Variants in DPP10 observed in about 807,000 individuals in gnomAD.
The protein encoded by DPP10 is dipeptidyl peptidase like 10, also known as inactive dipeptidyl peptidase 10.
In DPP10, 33 loss-of-function variants were observed where a neutral mutation model predicts 120.9. The ratio of observed to expected loss-of-function variants is 0.27; its 90% CI spans 0.21 to 0.37. The LOEUF is 0.37. Among genes scored for constraint, DPP10 ranks in the 10% least tolerant of loss-of-function variants. DPP10 has a pLI of 1.00. For synonymous variants in DPP10, 337 were observed against 326.1 expected, an observed-to-expected ratio of 1.03 and a Z score of -0.36; for missense variants, 816 against 942.8, an observed-to-expected ratio of 0.87 and a Z score of 1.76.
chr2:114,729,671 C>A (rs1676694756), intron 1 of DPP10, among the ~76,000 whole-genome samples: 1 of 152,224 alleles, frequency 6.6e-6, no homozygotes, highest in South Asian at 2.1e-4. Context: ...ATTTTCTAAA[C>A]TTTCCAGCTG....
Position 115,125,647 on chromosome 2 carries a change from C to T in DPP10, c.61-183592C>T, listed in dbSNP as rs550362608. 7.0e-5 allele frequency among the ~76,000 whole-genome samples: 10 copies of T among 143,766 alleles called. No individual in the cohort carries two copies. In the South Asian group the frequency reaches 1.3e-3, roughly 19 times the overall value. 94.3% of individuals were successfully genotyped at this position (143,766 alleles called of 152,430 possible). On this transcript the variant is annotated intron_variant, in intron 1 of 25. Transcript: ENST00000410059. ...AGTGCAGTGGCATGATCTTGGCTTA[C>T]GGCAAGCGCCTCCTCCCGGGTTCAC...
At chr2:114,874,616 T>C (rs898093706) in intron 1 of DPP10, among the ~76,000 whole-genome samples, 1 of 152,070 alleles carries the variant, frequency 6.6e-6, no homozygotes, top group Non-Finnish European at 1.5e-5. Context: ...TTCATTATTA[T>C]ATATTACAAT....
At chr2:115,111,322 G>C (rs2104681491) in intron 1 of DPP10, among the ~76,000 whole-genome samples, 1 of 151,266 alleles carries the variant, frequency 6.6e-6, no homozygotes, top group East Asian at 1.9e-4. Context: ...ACAAAGATTT[G>C]TGTTCAGGAA....
chr2:114,519,809 A>G (rs1403268530), intron 1 of DPP10, among the ~76,000 whole-genome samples: 2 of 152,146 alleles, frequency 1.3e-5, no homozygotes, highest in Admixed American at 1.3e-4. Flanking sequence ...TAGATGGCAT[A>G]TTTTCTCCAA....
intron 3 of DPP10, among the ~76,000 whole-genome samples, chr2:115,384,707 A>AAGAAAGAAGAAGAAGAAGAAGAAG (rs1553574793): frequency 1.1e-3 from 158 of 148,554 alleles, no homozygotes; most frequent in African/African-American, 3.6e-3. Context: ...AAGAAAGAAG[A>AAGAAAGAAGAAGAAGAAGAAGAAG]AAGAAGAAGA....
chr2:114,776,465 T>C (rs188619688), intron 1 of DPP10, among the ~76,000 whole-genome samples: 131 of 152,252 alleles, frequency 8.6e-4, no homozygotes, highest in Non-Finnish European at 1.7e-3. Flanking sequence ...ACTCCTAGCT[T>C]TTCTCTACTG....
intron 1 of DPP10, among the ~76,000 whole-genome samples, chr2:114,784,354 G>A (rs1682588190): frequency 6.6e-6 from 1 of 152,018 alleles, no homozygotes; most frequent in Non-Finnish European, 1.5e-5. Flanking sequence ...TAGAACTGAA[G>A]GCACTTAAAA....
intron 5 of DPP10, among the ~76,000 whole-genome samples, chr2:115,554,119 T>A (rs2080061404): frequency 6.6e-6 from 1 of 151,692 alleles, no homozygotes; most frequent in South Asian, 2.1e-4. Flanking sequence ...TACTAAAGTG[T>A]CTACTCCCAA....
chr2:115,750,132 A>G, intron 10 of DPP10: 2 of 985,374 alleles, frequency 2.0e-6, no homozygotes, highest in Non-Finnish European at 2.4e-6. Flanking sequence ...TGTTCATGAG[A>G]TGGAGTTCCA....
At chr2:115,085,825 C>A (rs1405013752) in intron 1 of DPP10, among the ~76,000 whole-genome samples, 1 of 152,166 alleles carries the variant, frequency 6.6e-6, no homozygotes, top group Non-Finnish European at 1.5e-5. Flanking sequence ...ATTGTACACA[C>A]ATCACATACA....
At chr2:115,802,814 G>T (rs1432927324) in intron 19 of DPP10, among the ~76,000 whole-genome samples, 1 of 152,118 alleles carries the variant, frequency 6.6e-6, no homozygotes, top group African/African-American at 2.4e-5. Flanking sequence ...TATAATTTCT[G>T]TTCTGTTACA....
chr2:115,234,063 A>G (rs1035559628), intron 1 of DPP10: 3 of 422,094 alleles, frequency 7.1e-6, no homozygotes, highest in African/African-American at 4.2e-5. Context: ...AATAAGCAAT[A>G]GAATAATGAT....
chr2:115,710,722 G>C (rs537362487), intron 7 of DPP10, among the ~76,000 whole-genome samples: 6 of 152,000 alleles, frequency 3.9e-5, no homozygotes, highest in African/African-American at 1.4e-4. Flanking sequence ...TTTAAAATTT[G>C]AGGTTATTTT....
intron 1 of DPP10, among the ~76,000 whole-genome samples, chr2:115,258,964 A>G (rs757395023): frequency 1.3e-5 from 2 of 152,232 alleles, no homozygotes; most frequent in South Asian, 2.1e-4. Context: ...GCTGCCTGTA[A>G]CAGAACACCA....
At chr2:114,523,852 T>G (rs1685272458) in intron 1 of DPP10, among the ~76,000 whole-genome samples, 3 of 152,256 alleles carry the variant, frequency 2.0e-5, no homozygotes, top group African/African-American at 7.2e-5. Context: ...CTACTCACCC[T>G]AATGATCCAT....
intron 1 of DPP10, among the ~76,000 whole-genome samples, chr2:115,015,298 A>G (rs958558012): frequency 5.3e-5 from 8 of 152,212 alleles, no homozygotes; most frequent in Non-Finnish European, 8.8e-5. Context: ...ATAAAATTCA[A>G]CAGCTCTTCA....
chr2:114,836,402 C>T (rs965944209), intron 1 of DPP10, among the ~76,000 whole-genome samples: 5 of 152,134 alleles, frequency 3.3e-5, no homozygotes, highest in African/African-American at 4.8e-5. Context: ...GCTGGGCTTC[C>T]GGGGGAGAAA....
intron 1 of DPP10, among the ~76,000 whole-genome samples, chr2:114,822,611 CT>C (rs973774608): frequency 0.012 from 1,721 of 146,312 alleles, 23 homozygotes; most frequent in African/African-American, 0.029. Flanking sequence ...ATTTTCCAAA[CT>C]TTTTTTTTTT....
intron 3 of DPP10, among the ~76,000 whole-genome samples, chr2:115,403,381 C>CTTTTTTTTTTTTTT (rs78116780): frequency 1.7e-5 from 2 of 118,384 alleles, no homozygotes; most frequent in East Asian, 3.0e-4. Context: ...TTCTTTCCTT[C>CTTTTTTTTTTTTTT]TTTTTTTTTT....
Sources: gnomAD v4.1 joint callset for allele counts (sites outside exome capture counted in the v4.1 genomes callset) on GRCh38, gnomAD v4.1.1 for gene constraint, MANE v1.5 for transcripts, NCBI Gene and HGNC (gene_info 2026-07-23, HGNC 2026-07-21) for gene names.